The following ATG4B variants were observed in gnomAD, a reference collection of about 807,000 sequenced individuals.
The protein encoded by ATG4B is autophagy related 4B cysteine peptidase, also known as cysteine protease ATG4B.
ATG4B carries 29 observed loss-of-function variants against 56.6 expected under a neutral mutation model. The observed-to-expected ratio is 0.51, with a 90% CI of 0.38 to 0.70. The LOEUF is 0.70. Among genes scored for constraint, ATG4B ranks in the 30% least tolerant of loss-of-function variants. The pLI, the probability that ATG4B is intolerant of heterozygous loss-of-function variation, is 0.00. For missense variants in ATG4B, 461 were observed against 515.5 expected, an observed-to-expected ratio of 0.89 and a Z score of 1.02; for synonymous variants, 224 against 206.1, an observed-to-expected ratio of 1.09 and a Z score of -0.74.
intron 6 of ATG4B, among the ~76,000 whole-genome samples, chr2:241,658,455 G>A (rs1255036862): frequency 6.6e-6 from 1 of 151,950 alleles, no homozygotes; most frequent in Non-Finnish European, 1.5e-5. Context: ...GTCCCCGGGA[G>A]CACCAGGTCT....
chr2:241,641,672 T>C (rs931714971), intron 1 of ATG4B, among the ~76,000 whole-genome samples: 7 of 152,220 alleles, frequency 4.6e-5, no homozygotes, highest in African/African-American at 1.4e-4. Context: ...TAGACATCCT[T>C]GTAGAGCAGT....
In ATG4B at chr2:241,666,874, C is replaced by G. The variant is rs746622594; in HGVS notation, c.732+36C>G. 8.5e-6 allele frequency: 13 copies of G among 1,530,360 alleles called. No individual in the cohort carries two copies. In the South Asian group the frequency reaches 1.4e-4, roughly 17 times the overall value. 94.8% of individuals were successfully genotyped at this position (1,530,360 alleles called of 1,614,324 possible). On this transcript the variant is annotated intron_variant, in intron 8 of 12. Coordinates refer to ENST00000404914, the MANE Select transcript of ATG4B (RefSeq NM_013325.5). ...CCGTGCGGCGCTTGCCCTGAGTCCC[C>G]GTCCCCTTCTCCCAGTTCTTAGTCA...
intron 6 of ATG4B, among the ~76,000 whole-genome samples, chr2:241,657,302 T>C: frequency 7.3e-6 from 1 of 137,916 alleles, no homozygotes; most frequent in Non-Finnish European, 1.6e-5. Flanking sequence ...TTTTTTTTTT[T>C]TTATTTTTTT....
chr2:241,644,531 A>G (rs1219508862), intron 1 of ATG4B, among the ~76,000 whole-genome samples: 1 of 152,178 alleles, frequency 6.6e-6, no homozygotes, highest in Non-Finnish European at 1.5e-5. Flanking sequence ...TCTGTCCTGT[A>G]GCTATCGACC....
At chr2:241,652,609 T>C (rs2068257105) in intron 3 of ATG4B, among the ~76,000 whole-genome samples, 1 of 152,164 alleles carries the variant, frequency 6.6e-6, no homozygotes, top group South Asian at 2.1e-4. Context: ...CAGTTCTCCC[T>C]CCTCAGCCTC....
At position 241,638,018 on chromosome 2, in the gene ATG4B, T is replaced by G. The variant is rs533325386; in HGVS notation, c.10+294T>G. ...CGGAGGTTGTGGCTGCACAGGCCCT[T>G]GCGCCAGGTCGGCCGTGGAGGGCGG... On this transcript the variant is annotated intron_variant, in intron 1 of 12. Transcript: ENST00000404914. 9.9e-5 allele frequency among the ~76,000 whole-genome samples: 15 copies of G among 151,536 alleles called. No individual in the cohort carries two copies. In the South Asian group the frequency reaches 3.1e-3, roughly 32 times the overall value.
In ATG4B at chr2:241,655,314, C is replaced by T. The variant is rs927116401; in HGVS notation, c.429C>T (p.Tyr143=). 3.7e-6 allele frequency: 6 copies of T among 1,611,588 alleles called. No individual in the cohort carries two copies. The highest frequency in any genetic ancestry group is 2.7e-5 in the African/African-American group (2 of 74,876). ...AAGGCAAGTCCATAGGCCAGTGGTA[C>T]GGGCCCAACACTGTCGCCCAGGTCC... ...VGEGKSIGQW[Y]GPNTVAQVLK... is the part of the protein sequence containing the mutation. The change falls in exon 6 of 13, where the codon TAC becomes TAT. Residue 143 remains tyrosine, a synonymous_variant. Transcript: ENST00000404914.
In ATG4B at chr2:241,651,225, TTG is replaced by T. The variant is rs758964053; in HGVS notation, c.113-27_113-26del. 6.4e-5 allele frequency: 100 copies of T among 1,556,216 alleles called. No homozygotes were observed. The highest frequency in any genetic ancestry group is 7.6e-5 in the Non-Finnish European group (87 of 1,142,674). On this transcript the variant is annotated intron_variant, in intron 2 of 12. Coordinates refer to ENST00000404914, the MANE Select transcript of ATG4B (RefSeq NM_013325.5). This position sits in a 1 kb window ranked among gnomAD's most constrained non-coding sequence, Gnocchi z 4.1. ...ACTTGTGACTTGCAAACTTAAGGCGTTGTGTGTGTGTGTTTTTTTTCTTTTAA... is the reference window on the plus strand; with the variant it reads ...ACTTGTGACTTGCAAACTTAAGGCGTTGTGTGTGTGTTTTTTTTCTTTTAA...
chr2:241,673,598 C>G lies in ATG4B; in HGVS notation c.*1334C>G, dbSNP rs540696510. 3 of 455,590 alleles carry G rather than the reference C, an allele frequency of 6.6e-6. No homozygotes were observed. The highest frequency in any genetic ancestry group is 1.4e-4 in the East Asian group (2 of 14,370). The allele number at this position is 455,590 out of a possible 1,614,324, so 28.2% of individuals were successfully genotyped here. A position where few individuals can be genotyped will look rare whatever the true frequency, so the allele number is the denominator to read the frequency against. ...GCATTGAAGACATAGTGTATTTCCT[C>G]GTATCCTTTCTCCCTTGGGTGTAGT... On this transcript the variant is annotated 3_prime_UTR_variant, in exon 13 of 13. Transcript: ENST00000404914.
rs1387088775 is a variant in ATG4B, at chr2:241,651,496, C to G, written c.184+161C>G. ...GCCGAGGCCTCACGTGTAGTAGTGG[C>G]AAAGCTAGAATCCACGGCGCCTGAC... On this transcript the variant is annotated intron_variant, in intron 3 of 12. Coordinates refer to ENST00000404914, the MANE Select transcript of ATG4B (RefSeq NM_013325.5). This position sits in a 1 kb window ranked among gnomAD's most constrained non-coding sequence, Gnocchi z 4.1. Among the ~76,000 whole-genome samples, 1 of 152,216 alleles carries G rather than the reference C, an allele frequency of 6.6e-6. No individual in the cohort carries two copies. The highest frequency in any genetic ancestry group is 1.9e-4 in the East Asian group (1 of 5,200).
chr2:241,662,801 G>C (rs1478848159), intron 7 of ATG4B, among the ~76,000 whole-genome samples: 1 of 151,910 alleles, frequency 6.6e-6, no homozygotes, highest in Non-Finnish European at 1.5e-5. Context: ...AGCGGGCCGG[G>C]CGCGGTGGCT....
In ATG4B at chr2:241,654,009, A is replaced by AAAG. The variant is rs1160185554; in HGVS notation, c.283+411_283+413dup. Among the ~76,000 whole-genome samples, 30 of 148,278 alleles carry AAAG rather than the reference A, an allele frequency of 2.0e-4. 1 individual carries two copies. The highest frequency in any genetic ancestry group is 9.9e-4 in the East Asian group (5 of 5,056). ...CTATCTGAAAAAAAAAAAAAAAAAA[A>AAAG]AAGAAGAAGAAGAATGCTAATAAAT... On this transcript the variant is annotated intron_variant, in intron 4 of 12. Coordinates refer to ENST00000404914, the MANE Select transcript of ATG4B (RefSeq NM_013325.5).
At chr2:241,666,488 TCTTACGC>T in intron 7 of ATG4B, 150 bp from the exon 8 acceptor site, 1 of 756,206 alleles carries the variant, frequency 1.3e-6, no homozygotes, top group Admixed American at 2.8e-5. Context: ...GAAAAAATTT[TCTTACGC>T]TTTTCTATAT....
At chr2:241,662,650 A>G (rs889087469) in intron 7 of ATG4B, among the ~76,000 whole-genome samples, 1 of 152,228 alleles carries the variant, frequency 6.6e-6, no homozygotes. Flanking sequence ...CTGAGACAGT[A>G]GGGTCTGTGC....
intron 3 of ATG4B, chr2:241,652,003 T>C: frequency 5.4e-6 from 7 of 1,298,060 alleles, no homozygotes; most frequent in Non-Finnish European, 7.1e-6. Context: ...TCATGCTTCC[T>C]CAGTGCCAGG....
chr2:241,665,189 C>T (rs1355980630), intron 7 of ATG4B, among the ~76,000 whole-genome samples: 1 of 152,156 alleles, frequency 6.6e-6, no homozygotes, highest in South Asian at 2.1e-4. Flanking sequence ...AAATTTGAGT[C>T]CTACAAAAAA....
At chr2:241,664,543 C>A (rs2068700651) in intron 7 of ATG4B, among the ~76,000 whole-genome samples, 1 of 151,674 alleles carries the variant, frequency 6.6e-6, no homozygotes, top group South Asian at 2.1e-4. Flanking sequence ...GTCTCAAAAA[C>A]CAAACAGAAA....
chr2:241,645,316 G>A (rs2125116183), intron 1 of ATG4B, among the ~76,000 whole-genome samples: 1 of 152,320 alleles, frequency 6.6e-6, no homozygotes, highest in East Asian at 1.9e-4. Context: ...TGAGGCCGGG[G>A]GCAGGCTCTT....
rs181999440 is a variant in ATG4B at position 241,673,503 on chromosome 2, C to A, written c.*1239C>A. ...TGTAGGTCGGGGAGCCAGAGATCCC[C>A]GAGGACGCGCGCCGGACAGTCGGCA... On this transcript the variant is annotated 3_prime_UTR_variant, in exon 13 of 13. Transcript: ENST00000404914. 1 of 413,672 alleles carries A rather than the reference C, an allele frequency of 2.4e-6. No homozygotes were observed. Among genetic ancestry groups the A allele is most frequent in the African/African-American group, 2.0e-5 (1 of 48,902 alleles). The allele number at this position is 413,672 out of a possible 1,614,324, so 25.6% of individuals were successfully genotyped here.
Sources: allele counts gnomAD v4.1 joint callset (sites outside exome capture counted in the v4.1 genomes callset), GRCh38; gene constraint gnomAD v4.1.1; non-coding constraint Gnocchi (gnomAD v3.1); transcripts MANE v1.5; gene names NCBI Gene and HGNC (gene_info 2026-07-23, HGNC 2026-07-21).